The following PLCXD1 variants were observed in gnomAD, a reference collection of about 807,000 sequenced individuals.
PLCXD1 encodes phosphatidylinositol specific phospholipase C X domain containing 1.
Under a neutral mutation model 37.8 loss-of-function variants are expected in PLCXD1, and 45 were observed. The observed-to-expected ratio is 1.19, with a 90% CI of 0.94 to 1.53. The LOEUF (loss-of-function observed/expected upper bound fraction) is 1.53. PLCXD1 is among the 40% of genes most tolerant of loss of function. The pLI, the probability that PLCXD1 is intolerant of heterozygous loss-of-function variation, is 0.00. For synonymous variants in PLCXD1, 246 were observed against 206.9 expected (o/e 1.19, Z -1.62); for missense variants, 539 against 454.7 (o/e 1.19, Z -1.69).
At chrX:287,934 G>A (rs1173034500) in intron 2 of PLCXD1, among the ~76,000 whole-genome samples, 1 of 151,952 alleles carries the variant, frequency 6.6e-6, no homozygotes, top group Non-Finnish European at 1.5e-5. Flanking sequence ...CCCAGTTCTA[G>A]ATACAGAAAT....
upstream of PLCXD1, among the ~76,000 whole-genome samples, chrX:278,256 G>A (rs1402650050): frequency 1.3e-5 from 2 of 151,970 alleles, no homozygotes; most frequent in East Asian, 1.9e-4. Context: ...GGGAGGGGAG[G>A]GACTGTGACG....
At chrX:295,420 C>T (rs1463206636) in intron 6 of PLCXD1, among the ~76,000 whole-genome samples, 2 of 152,022 alleles carry the variant, frequency 1.3e-5, no homozygotes, top group Admixed American at 6.6e-5. Flanking sequence ...GGCTGCTTCC[C>T]ACAGGGGCAG....
chrX:285,372 ATG>A (rs375583203), intron 2 of PLCXD1, among the ~76,000 whole-genome samples: 17,383 of 151,340 alleles, frequency 0.11, 1,602 homozygotes, highest in African/African-American at 0.26. Flanking sequence ...ACATGCACAC[ATG>A]TATATATATA....
chrX:290,488 G>A (rs190313818), intron 3 of PLCXD1, among the ~76,000 whole-genome samples, 160 bp from the exon 4 acceptor site: 332 of 151,054 alleles, frequency 2.2e-3, no homozygotes, highest in Admixed American at 3.7e-3. Flanking sequence ...GCAGGTCCCC[G>A]TGGCTGCAGC....
In PLCXD1 at chrX:301,193, TAG is replaced by T. The variant is rs1305508696; in HGVS notation, c.*1861_*1862del. ...TGCTGGCTAATTTTTGTATTTTTGG[TAG>T]AGTCAGGGTTTCACCACATGGCACA... On this transcript the variant is annotated 3_prime_UTR_variant, in exon 7 of 7. Transcript: ENST00000381657. 2 of 152,202 alleles carry T rather than the reference TAG, an allele frequency of 1.3e-5. No homozygotes were observed. Among genetic ancestry groups the T allele is most frequent in the Non-Finnish European group, 2.9e-5 (2 of 68,102 alleles). The allele number at this position is 152,202 out of a possible 1,614,324, so 9.4% of individuals were successfully genotyped here.
chrX:291,676 G>T, intron 5 of PLCXD1, 22 bp downstream of exon 5: 2 of 1,610,518 alleles, frequency 1.2e-6, no homozygotes, highest in Non-Finnish European at 1.7e-6. Context: ...AAGGATATCC[G>T]CACGTCTCTC....
Position 285,107 on chromosome X carries a change from TAC to T in PLCXD1, c.127+803_127+804del, listed in dbSNP as rs766265398. 1.3e-3 allele frequency among the ~76,000 whole-genome samples: 181 copies of T among 134,738 alleles called. 3 individuals are homozygous for T. In the South Asian group the frequency reaches 0.02, roughly 15 times the overall value. The allele number at this position is 134,738 out of a possible 152,430, so 88.4% of individuals were successfully genotyped here. A position where few individuals can be genotyped will look rare whatever the true frequency, so the allele number is the denominator to read the frequency against. Reference sequence around the variant, plus strand: ...ATGCAGGCACACACAGACACATACATACACACACACATGCATGCGCACACACA... The same window carrying T: ...ATGCAGGCACACACAGACACATACATACACACACATGCATGCGCACACACA... On this transcript the variant is annotated intron_variant, in intron 2 of 6. Coordinates refer to ENST00000381657, the MANE Select transcript of PLCXD1 (RefSeq NM_018390.4).
chrX:301,880 C>T lies in PLCXD1; in HGVS notation c.*2545C>T. ...ACCTCAGGTGATCCATCCGCATTGG[C>T]CTCCCAAAGTGCTGGGATCACAGGC... On this transcript the variant is annotated 3_prime_UTR_variant, in exon 7 of 7. Coordinates refer to ENST00000381657, the MANE Select transcript of PLCXD1 (RefSeq NM_018390.4). 6.6e-6 allele frequency: 1 copy of T among 152,474 alleles called. No individual in the cohort carries two copies. Among genetic ancestry groups the T allele is most frequent in the Non-Finnish European group, 1.5e-5 (1 of 68,134 alleles). 9.4% of individuals were successfully genotyped at this position (152,474 alleles called of 1,614,324 possible).
chrX:299,409 T>A lies in PLCXD1; in HGVS notation c.*74T>A, dbSNP rs2069929633. On this transcript the variant is annotated 3_prime_UTR_variant, in exon 7 of 7. Transcript: ENST00000381657. ...AATTTCCAAGTATTGTGACTTTGTT[T>A]GGGCCAAATGTTGGTGATCATAGGA... The A allele has an allele frequency of 1.9e-6, 2 of 1,050,902 alleles. No individual in the cohort carries two copies. Among genetic ancestry groups the A allele is most frequent in the Admixed American group, 3.4e-5 (2 of 58,500 alleles). The allele number at this position is 1,050,902 out of a possible 1,614,324, so 65.1% of individuals were successfully genotyped here.
chrX:277,339 T>C (rs117283964), upstream of PLCXD1, among the ~76,000 whole-genome samples: 928 of 6,718 alleles, frequency 0.14, 199 homozygotes, highest in African/African-American at 0.34. Context: ...GGGGAGGGGT[T>C]GGGGAACGTG....
chrX:300,453 C>A lies in PLCXD1; in HGVS notation c.*1118C>A. 1 of 143,520 alleles carries A rather than the reference C, an allele frequency of 7.0e-6. No individual in the cohort carries two copies. Among genetic ancestry groups the A allele is most frequent in the Non-Finnish European group, 1.5e-5 (1 of 65,648 alleles). The allele number at this position is 143,520 out of a possible 1,614,324, so 8.9% of individuals were successfully genotyped here. A position where few individuals can be genotyped will look rare whatever the true frequency, so the allele number is the denominator to read the frequency against. On this transcript the variant is annotated 3_prime_UTR_variant, in exon 7 of 7. Coordinates refer to ENST00000381657, the MANE Select transcript of PLCXD1 (RefSeq NM_018390.4). Reference sequence around the variant, plus strand: ...GTGTATATATGTATGTATGTTTATACATGTGTATATGTGTGTGTGTGTGTG... The same window carrying A: ...GTGTATATATGTATGTATGTTTATAAATGTGTATATGTGTGTGTGTGTGTG...
At chrX:290,505 A>T in intron 3 of PLCXD1, 143 bp from the exon 4 acceptor site, 1 of 814,452 alleles carries the variant, frequency 1.2e-6, no homozygotes, top group Non-Finnish European at 2.0e-6. Context: ...CAGCGCTCCC[A>T]GCACATACAA....
At chrX:290,314 C>T (rs187663547) in intron 3 of PLCXD1, among the ~76,000 whole-genome samples, 6,311 of 152,032 alleles carry the variant, frequency 0.042, 177 homozygotes, top group South Asian at 0.079. Context: ...CCTGCAGTCC[C>T]AGCTACTGGG....
intron 5 of PLCXD1, among the ~76,000 whole-genome samples, chrX:291,890 G>A (rs1366284079): frequency 5.9e-5 from 9 of 152,206 alleles, no homozygotes; most frequent in African/African-American, 9.6e-5. Context: ...AGCGTCAGCC[G>A]GGCGCGGTGG....
At chrX:285,028 T>G (rs1255445081) in intron 2 of PLCXD1, among the ~76,000 whole-genome samples, 1 of 151,950 alleles carries the variant, frequency 6.6e-6, no homozygotes, top group Non-Finnish European at 1.5e-5. Flanking sequence ...AAGATGAGAT[T>G]TGGGTGGGGA....
rs1163407547 is a variant in PLCXD1, at chrX:301,772, C to G, written c.*2437C>G. On this transcript the variant is annotated 3_prime_UTR_variant, in exon 7 of 7. Transcript: ENST00000381657. ...TCCTGAGTAGCTGGGATTACAGGCG[C>G]CCGCCACCGCGCCTGGCTAACTTTT... The G allele has an allele frequency of 6.6e-6, 1 of 152,212 alleles. No individual in the cohort carries two copies. Among genetic ancestry groups the G allele is most frequent in the Non-Finnish European group, 1.5e-5 (1 of 68,092 alleles). 9.4% of individuals were successfully genotyped at this position (152,212 alleles called of 1,614,324 possible).
intron 2 of PLCXD1, among the ~76,000 whole-genome samples, chrX:286,822 A>G (rs1310749545): frequency 6.6e-6 from 1 of 151,818 alleles, no homozygotes; most frequent in Non-Finnish European, 1.5e-5. Flanking sequence ...TTTCTTTCCA[A>G]CCTTTTGCTT....
At chrX:292,446 G>A (rs7891536) in intron 5 of PLCXD1, among the ~76,000 whole-genome samples, 80,814 of 150,994 alleles carry the variant, frequency 0.54, 21,803 homozygotes, top group Middle Eastern at 0.68. Context: ...GAGACAGAGC[G>A]AGATCCGTCT....
upstream of PLCXD1, among the ~76,000 whole-genome samples, chrX:277,075 G>C (rs761940933): frequency 6.6e-6 from 1 of 152,296 alleles, no homozygotes; most frequent in South Asian, 2.1e-4. Flanking sequence ...CCGTGGGACG[G>C]CCTCCAGACC....
Sources: allele counts gnomAD v4.1 joint callset (sites outside exome capture counted in the v4.1 genomes callset), GRCh38; gene constraint gnomAD v4.1.1; transcripts MANE v1.5; gene names NCBI Gene and HGNC (gene_info 2026-07-23, HGNC 2026-07-21).